Variants in TNNI3K observed in about 807,000 individuals in gnomAD.
The protein encoded by TNNI3K is serine/threonine-protein kinase TNNI3K.
In TNNI3K, 140 loss-of-function variants were observed where a neutral mutation model predicts 114.5. That is an observed-to-expected ratio of 1.22 (90% confidence interval 1.07 to 1.41). The LOEUF is 1.41. TNNI3K is among the 40% of genes most tolerant of loss of function. The probability of loss-of-function intolerance (pLI) is 0.00; values close to 1 mark genes in which losing one functional copy is unlikely to be tolerated. For synonymous variants in TNNI3K, 347 were observed against 347.5 expected (o/e 1.00, Z 0.02); for missense variants, 1,125 against 1,007.6 (o/e 1.12, Z -1.58).
chr1:74,445,900 G>C (rs59017319), intron 20 of TNNI3K, among the ~76,000 whole-genome samples: 12 of 152,094 alleles, frequency 7.9e-5, no homozygotes, highest in Non-Finnish European at 1.3e-4. Context: ...GTGAGCCACC[G>C]TGCCCGGCCG....
intron 21 of TNNI3K, among the ~76,000 whole-genome samples, chr1:74,488,909 T>C (rs1035356084): frequency 1.3e-5 from 2 of 152,206 alleles, no homozygotes; most frequent in African/African-American, 4.8e-5. Context: ...AAACCTGCCA[T>C]TTAAAAACAT....
intron 17 of TNNI3K, among the ~76,000 whole-genome samples, chr1:74,379,244 A>G (rs1171613635): frequency 6.6e-6 from 1 of 152,068 alleles, no homozygotes; most frequent in East Asian, 1.9e-4. Context: ...ATATAACTAT[A>G]TAAATATAAT....
chr1:74,265,766 C>G (rs1216547925), intron 4 of TNNI3K, among the ~76,000 whole-genome samples: 1 of 151,684 alleles, frequency 6.6e-6, no homozygotes, highest in East Asian at 1.9e-4. Context: ...CAGACAAAAA[C>G]TGGACAGCTC....
At chr1:74,287,737 G>T (rs543739612) in intron 5 of TNNI3K, among the ~76,000 whole-genome samples, 1 of 152,144 alleles carries the variant, frequency 6.6e-6, no homozygotes, top group Admixed American at 6.5e-5. Flanking sequence ...TAACAGGATT[G>T]CATCAAACTA....
chr1:74,482,215 A>G lies in TNNI3K; in HGVS notation c.2122-6974A>G, dbSNP rs370228602. Reference sequence around the variant, plus strand: ...AATGAGCAGGCTATTATTTCTGTCAATTACTTCTTGTCTAGGTCTAGACAG... The same window carrying G: ...AATGAGCAGGCTATTATTTCTGTCAGTTACTTCTTGTCTAGGTCTAGACAG... On this transcript the variant is annotated intron_variant, in intron 21 of 24. Transcript: ENST00000326637. Among the ~76,000 whole-genome samples, 31 of 152,250 alleles carry G rather than the reference A, an allele frequency of 2.0e-4. No homozygotes were observed. In the East Asian group the frequency reaches 4.3e-3, roughly 21 times the overall value.
At chr1:74,405,012 AAG>A (rs951644529) in intron 17 of TNNI3K, among the ~76,000 whole-genome samples, 1 of 152,220 alleles carries the variant, frequency 6.6e-6, no homozygotes, top group Non-Finnish European at 1.5e-5. Context: ...AGTTTAAAAA[AAG>A]AAAGACCATT....
intron 5 of TNNI3K, among the ~76,000 whole-genome samples, chr1:74,319,567 G>T (rs1449663876): frequency 1.3e-5 from 2 of 152,146 alleles, no homozygotes; most frequent in Non-Finnish European, 2.9e-5. Context: ...ATTACCCCAG[G>T]AAACTTAGCA....
At chr1:74,253,831 C>T (rs929789572) in intron 4 of TNNI3K, among the ~76,000 whole-genome samples, 4 of 152,284 alleles carry the variant, frequency 2.6e-5, no homozygotes, top group South Asian at 4.1e-4. Flanking sequence ...TCCTCAAGTG[C>T]AGCCAGAGTG....
intron 5 of TNNI3K, among the ~76,000 whole-genome samples, chr1:74,317,157 G>A (rs1446879137): frequency 1.3e-5 from 2 of 152,086 alleles, no homozygotes; most frequent in Non-Finnish European, 1.5e-5. Context: ...TCCTAACACA[G>A]CATCTGCCTG....
At chr1:74,437,076 A>T (rs1666166905) in intron 19 of TNNI3K, among the ~76,000 whole-genome samples, 1 of 152,060 alleles carries the variant, frequency 6.6e-6, no homozygotes, top group Admixed American at 6.6e-5. Flanking sequence ...CCTGAAAAAA[A>T]GTAGACTTCT....
chr1:74,257,663 CTTTTTTTT>C (rs66853287), intron 4 of TNNI3K, among the ~76,000 whole-genome samples: 2 of 87,278 alleles, frequency 2.3e-5, no homozygotes, highest in South Asian at 4.3e-4. Context: ...TGGCTTACCT[CTTTTTTTT>C]TTTTTTTTTT....
At chr1:74,490,039 A>AT (rs3835393) in intron 22 of TNNI3K, among the ~76,000 whole-genome samples, 83 of 114,364 alleles carry the variant, frequency 7.3e-4, no homozygotes, top group African/African-American at 2.6e-3. Context: ...GAAAAGCAGG[A>AT]TTTTTTTTTC....
At chr1:74,281,937 T>C (rs1443489020) in intron 5 of TNNI3K, among the ~76,000 whole-genome samples, 1 of 152,206 alleles carries the variant, frequency 6.6e-6, no homozygotes, top group African/African-American at 2.4e-5. Flanking sequence ...TTGCAGTGGT[T>C]GATATTTTCA....
At chr1:74,381,607 ATAG>A (rs1205352701) in intron 17 of TNNI3K, among the ~76,000 whole-genome samples, 7 of 152,164 alleles carry the variant, frequency 4.6e-5, no homozygotes, top group African/African-American at 1.7e-4. Context: ...ATCTCTTTCT[ATAG>A]AGAAGGTCAA....
chr1:74,419,479 G>A (rs1305260928), intron 17 of TNNI3K, among the ~76,000 whole-genome samples: 1 of 152,046 alleles, frequency 6.6e-6, no homozygotes, highest in South Asian at 2.1e-4. Context: ...AATTAGGGGT[G>A]TTTTCTTTGA....
chr1:74,278,207 C>T (rs1656797977), intron 5 of TNNI3K, among the ~76,000 whole-genome samples: 1 of 152,000 alleles, frequency 6.6e-6, no homozygotes, highest in Admixed American at 6.6e-5. Context: ...CAAGTCTGCC[C>T]CAATCTTGTG....
At chr1:74,278,177 GT>G (rs1289040115) in intron 5 of TNNI3K, among the ~76,000 whole-genome samples, 2 of 152,074 alleles carry the variant, frequency 1.3e-5, no homozygotes, top group African/African-American at 4.8e-5. Flanking sequence ...GTAGTCATGA[GT>G]TTTTTACCTA....
chr1:74,376,054 A>T (rs896860262), intron 17 of TNNI3K, among the ~76,000 whole-genome samples: 2 of 151,972 alleles, frequency 1.3e-5, no homozygotes, highest in African/African-American at 4.8e-5. Context: ...ATAATTTTAA[A>T]ATAGCCAACT....
chr1:74,401,124 TA>T (rs2100590624), intron 17 of TNNI3K, among the ~76,000 whole-genome samples: 2 of 152,336 alleles, frequency 1.3e-5, no homozygotes, highest in Non-Finnish European at 2.9e-5. Context: ...AGGCATTAAG[TA>T]AGTGAGGGTA....
Sources: gnomAD v4.1 joint callset for allele counts (sites outside exome capture counted in the v4.1 genomes callset) on GRCh38, gnomAD v4.1.1 for gene constraint, MANE v1.5 for transcripts, NCBI Gene and HGNC (gene_info 2026-07-23, HGNC 2026-07-21) for gene names.